CD4: variants seen among roughly 807,000 people sequenced by gnomAD.
CD4 encodes T-cell surface glycoprotein CD4.
In CD4, 25 loss-of-function variants were observed where a neutral mutation model predicts 50.5. The ratio of observed to expected loss-of-function variants is 0.49; its 90% CI spans 0.36 to 0.69. The LOEUF (loss-of-function observed/expected upper bound fraction) is 0.69. Ranked by LOEUF, CD4 falls within the 30% of genes least tolerant of loss-of-function variation. The pLI is 0.00. For missense variants in CD4, 456 were observed against 548.5 expected (o/e 0.83, Z 1.68); for synonymous variants, 207 against 221.9 (o/e 0.93, Z 0.60).
chr12:6,818,327 A>G lies in CD4; in HGVS notation c.1157-94A>G. The G allele has an allele frequency of 2.6e-6, 4 of 1,534,040 alleles. No individual in the cohort carries two copies. Among genetic ancestry groups the G allele is most frequent in the Non-Finnish European group, 3.5e-6 (4 of 1,128,480 alleles). On this transcript the variant is annotated intron_variant, in intron 7 of 9. Transcript: ENST00000011653. The surrounding 1 kb of genome is among the most constrained non-coding windows in gnomAD (Gnocchi z 5.0). ...CCCTCTCCCCCAACCCCAGGGTCAA[A>G]CCAGAGACTGGCCAGGAGGGATTGC... is the stretch of plus-strand genomic sequence containing the variant.
chr12:6,793,686 A>T (rs1418331110), intron 1 of CD4, among the ~76,000 whole-genome samples: 1 of 95,118 alleles, frequency 1.1e-5, no homozygotes. Flanking sequence ...CTATCTATCT[A>T]TCTATCTATC....
At chr12:6,808,753 TGTAA>T (rs750036302) in intron 3 of CD4, among the ~76,000 whole-genome samples, 35 of 152,306 alleles carry the variant, frequency 2.3e-4, no homozygotes, top group Non-Finnish European at 4.6e-4. Flanking sequence ...TTAACAATGC[TGTAA>T]GTATTATTTT....
intron 7 of CD4, among the ~76,000 whole-genome samples, chr12:6,817,929 ACT>A (rs1190929049): frequency 6.6e-6 from 1 of 151,700 alleles, no homozygotes; most frequent in African/African-American, 2.4e-5. Flanking sequence ...GTACACGTAC[ACT>A]CACACACTTA....
Position 6,818,401 on chromosome 12 carries a change from C to T in CD4, c.1157-20C>T, listed in dbSNP as rs1943163229. On this transcript the variant is annotated intron_variant, in intron 7 of 9. Coordinates refer to ENST00000011653, the MANE Select transcript of CD4 (RefSeq NM_000616.5). This position sits in a 1 kb window ranked among gnomAD's most constrained non-coding sequence, Gnocchi z 5.0. ...CCGTGGAGGAGGGCGGTGCATTGAG[C>T]ACATTTCTCTCCCTTGCAGTTCTGC... 1 of 1,611,356 alleles carries T rather than the reference C, an allele frequency of 6.2e-7. No homozygotes were observed. The highest frequency in any genetic ancestry group is 1.1e-5 in the South Asian group (1 of 91,072).
chr12:6,819,670 G>T lies in CD4; in HGVS notation c.*341G>T, dbSNP rs35548287. 3.0e-3 allele frequency: 1,033 copies of T among 342,972 alleles called. 11 individuals carry two copies. The highest frequency in any genetic ancestry group is 0.018 in the African/African-American group (854 of 47,124). The allele number at this position is 342,972 out of a possible 1,614,324, so 21.2% of individuals were successfully genotyped here. A position where few individuals can be genotyped will look rare whatever the true frequency, so the allele number is the denominator to read the frequency against. Reference sequence around the variant, plus strand: ...TGGCTGGCATGGAGGGTGAGGCTGGGTGTCTGGAAGCATGGAGCATGGGAC... The same window carrying T: ...TGGCTGGCATGGAGGGTGAGGCTGGTTGTCTGGAAGCATGGAGCATGGGAC... On this transcript the variant is annotated 3_prime_UTR_variant, in exon 10 of 10. Coordinates refer to ENST00000011653, the MANE Select transcript of CD4 (RefSeq NM_000616.5).
chr12:6,794,934 C>T (rs1244865443), intron 1 of CD4, among the ~76,000 whole-genome samples: 1 of 151,624 alleles, frequency 6.6e-6, no homozygotes, highest in African/African-American at 2.4e-5. Flanking sequence ...ATTACAGGCC[C>T]GTACCACTGT....
rs782093882 is a variant in CD4 at position 6,818,372 on chromosome 12, T to G, written c.1157-49T>G. 1.9e-5 allele frequency: 29 copies of G among 1,566,150 alleles called. No individual in the cohort carries two copies. The highest frequency in any genetic ancestry group is 3.5e-4 in the Middle Eastern group (2 of 5,682). ...GATTGCAGGGCAGTCCTCAGTCCCCTGGCCCGTGGAGGAGGGCGGTGCATT... is the reference window on the plus strand; with the variant it reads ...GATTGCAGGGCAGTCCTCAGTCCCCGGGCCCGTGGAGGAGGGCGGTGCATT... On this transcript the variant is annotated intron_variant, in intron 7 of 9. Coordinates refer to ENST00000011653, the MANE Select transcript of CD4 (RefSeq NM_000616.5). The surrounding 1 kb of genome is among the most constrained non-coding windows in gnomAD (Gnocchi z 5.0).
At chr12:6,814,017 A>C in intron 3 of CD4, 125 bp from the exon 4 acceptor site, 1 of 812,016 alleles carries the variant, frequency 1.2e-6, no homozygotes, top group South Asian at 1.7e-5. Context: ...TTCTCTGATT[A>C]GAACGAGGAG....
At chr12:6,801,966 C>T (rs746842807) in intron 3 of CD4, among the ~76,000 whole-genome samples, 41 of 150,340 alleles carry the variant, frequency 2.7e-4, no homozygotes, top group Non-Finnish European at 5.3e-4. Flanking sequence ...CTCTGCCTCC[C>T]AGGTTCAAGC....
rs781930565 is a variant in CD4 at position 6,819,356 on chromosome 12, G to A, written c.*27G>A. Reference sequence around the variant, plus strand: ...GCACGAGGCCAGGCAGATCCCACTTGCAGCCTCCCCAGGTGTCTGCCCCGC... The same window carrying A: ...GCACGAGGCCAGGCAGATCCCACTTACAGCCTCCCCAGGTGTCTGCCCCGC... On this transcript the variant is annotated 3_prime_UTR_variant, in exon 10 of 10. Transcript: ENST00000011653. 6.2e-7 allele frequency: 1 copy of A among 1,612,420 alleles called. No homozygotes were observed. The highest frequency in any genetic ancestry group is 2.2e-5 in the East Asian group (1 of 44,868).
In CD4 at chr12:6,803,849, C is replaced by T. The variant is rs182487124; in HGVS notation, c.214+3378C>T. Among the ~76,000 whole-genome samples the T allele has an allele frequency of 4.1e-3, 617 of 151,498 alleles. 3 individuals are homozygous for T. Among genetic ancestry groups the T allele is most frequent in the Middle Eastern group, 0.01 (3 of 290 alleles). ...AATAAAGGTCAGGAGTGGTGGCTCA[C>T]GCCTGTAATCCCAGCACTTTGGGAG... On this transcript the variant is annotated intron_variant, in intron 3 of 9. Transcript: ENST00000011653.
chr12:6,794,723 T>TCTGTTTA (rs1942310929), intron 1 of CD4, among the ~76,000 whole-genome samples: 1 of 151,548 alleles, frequency 6.6e-6, no homozygotes, highest in South Asian at 2.1e-4. Context: ...ATCTATTTTA[T>TCTGTTTA]CTGTTTATCT....
chr12:6,819,450 C>T lies in CD4; in HGVS notation c.*121C>T, dbSNP rs1330844642. On this transcript the variant is annotated 3_prime_UTR_variant, in exon 10 of 10. Transcript: ENST00000011653. ...TCTGGCCTCCTGTTCGCCTCCTCTA[C>T]AATTTGCCATTGTTTCTCCTGGGTT... 4.3e-6 allele frequency: 4 copies of T among 926,594 alleles called. No individual in the cohort carries two copies. The highest frequency in any genetic ancestry group is 7.1e-6 in the Non-Finnish European group (4 of 567,262). 57.4% of individuals were successfully genotyped at this position (926,594 alleles called of 1,614,324 possible). A position where few individuals can be genotyped will look rare whatever the true frequency, so the allele number is the denominator to read the frequency against.
intron 3 of CD4, among the ~76,000 whole-genome samples, chr12:6,801,074 T>C (rs1555115161): frequency 6.6e-6 from 1 of 151,624 alleles, no homozygotes; most frequent in Non-Finnish European, 1.5e-5. Flanking sequence ...CCAGGCTAAT[T>C]TTTGTATTTT....
Position 6,802,759 on chromosome 12 carries a change from C to G in CD4, c.214+2288C>G, listed in dbSNP as rs111440363. ...TAGACTTTTTTTCTTTTTTTTGAGACGGAGTCTCGGTCTGTCACCTAGGCT... is the reference window on the plus strand; with the variant it reads ...TAGACTTTTTTTCTTTTTTTTGAGAGGGAGTCTCGGTCTGTCACCTAGGCT... On this transcript the variant is annotated intron_variant, in intron 3 of 9. Coordinates refer to ENST00000011653, the MANE Select transcript of CD4 (RefSeq NM_000616.5). 6.2e-3 allele frequency among the ~76,000 whole-genome samples: 944 copies of G among 151,964 alleles called. 11 individuals are homozygous for G. Among genetic ancestry groups the G allele is most frequent in the African/African-American group, 0.022 (896 of 41,406 alleles).
chr12:6,818,829 T>C lies in CD4; in HGVS notation c.1279-18T>C. ...GAGGCCTGGGACCCTCGTGACTCCC[T>C]TTCTTGTCCCTGGACAGCGCCAAGC... On this transcript the variant is annotated intron_variant, in intron 8 of 9. Transcript: ENST00000011653. The surrounding 1 kb of genome is among the most constrained non-coding windows in gnomAD (Gnocchi z 5.0). The C allele has an allele frequency of 6.2e-7, 1 of 1,612,018 alleles. No individual in the cohort carries two copies. The highest frequency in any genetic ancestry group is 2.2e-5 in the East Asian group (1 of 44,844).
At chr12:6,812,592 T>C (rs1942968361) in intron 3 of CD4, among the ~76,000 whole-genome samples, 1 of 151,960 alleles carries the variant, frequency 6.6e-6, no homozygotes, top group Non-Finnish European at 1.5e-5. Context: ...GGCAAGATAA[T>C]TGCTTGAACC....
At chr12:6,815,041 A>T in intron 5 of CD4, 49 bp downstream of exon 5, 2 of 1,274,014 alleles carry the variant, frequency 1.6e-6, no homozygotes, top group South Asian at 1.2e-5. Flanking sequence ...CCAGGGGCTG[A>T]CAGCCCCTCC....
At chr12:6,807,179 A>G (rs1444980415) in intron 3 of CD4, among the ~76,000 whole-genome samples, 1 of 202 alleles carries the variant, frequency 5.0e-3, no homozygotes, top group Non-Finnish European at 9.6e-3. Context: ...AAAAACAAAA[A>G]CAAACAAACA....
Sources: gnomAD v4.1 joint callset for allele counts (sites outside exome capture counted in the v4.1 genomes callset) on GRCh38, gnomAD v4.1.1 for gene constraint, Gnocchi (gnomAD v3.1) non-coding constraint, MANE v1.5 for transcripts, NCBI Gene and HGNC (gene_info 2026-07-23, HGNC 2026-07-21) for gene names.